WDR64: variants seen among roughly 807,000 people sequenced by gnomAD.
The protein encoded by WDR64 is WD repeat domain 64, also known as WD repeat-containing protein 64.
WDR64 carries 112 observed loss-of-function variants against 139.3 expected under a neutral mutation model. The ratio of observed to expected loss-of-function variants is 0.80; its 90% CI spans 0.69 to 0.94. WDR64 has a LOEUF of 0.94. Among genes scored for constraint, WDR64 ranks in the 40% least tolerant of loss-of-function variants. The pLI is 0.00. For missense variants in WDR64, 1,206 were observed against 1,293.1 expected (o/e 0.93, Z 1.03); for synonymous variants, 444 against 437.7 (o/e 1.01, Z -0.18).
rs11419039 is a variant in WDR64 at position 241,794,504 on chromosome 1, G to GTTTTTT, written c.2998-686_2998-681dup. Among the ~76,000 whole-genome samples the GTTTTTT allele has an allele frequency of 1.1e-3, 86 of 81,446 alleles. 3 individuals are homozygous for GTTTTTT. The highest frequency in any genetic ancestry group is 2.7e-3 in the East Asian group (7 of 2,572). The allele number at this position is 81,446 out of a possible 152,430, so 53.4% of individuals were successfully genotyped here. A position where few individuals can be genotyped will look rare whatever the true frequency, so the allele number is the denominator to read the frequency against. On this transcript the variant is annotated intron_variant, in intron 25 of 27. Transcript: ENST00000437684. ...TGCCCCACATATTTTAAGCTTTACT[G>GTTTTTT]TTTTTTTTTTTTTTTTTTTTTTGAG...
chr1:241,795,390 A>G (rs1438120335), intron 26 of WDR64, 103 bp downstream of exon 26: 2 of 1,034,422 alleles, frequency 1.9e-6, no homozygotes, highest in East Asian at 5.0e-5. Context: ...AAAATCATAC[A>G]GTCAGTTGGA....
intron 25 of WDR64, 95 bp downstream of exon 25, chr1:241,790,791 A>G (rs1574099672): frequency 1.1e-6 from 1 of 910,158 alleles, no homozygotes; most frequent in East Asian, 2.5e-5. Context: ...AATATAACAT[A>G]TTAATTTTTT....
intron 2 of WDR64, among the ~76,000 whole-genome samples, chr1:241,664,977 G>A (rs552214735): frequency 6.6e-6 from 1 of 152,180 alleles, no homozygotes; most frequent in South Asian, 2.1e-4. Flanking sequence ...CAGGAGGATT[G>A]CTTGAGCCCA....
intron 20 of WDR64, among the ~76,000 whole-genome samples, chr1:241,773,168 T>C (rs1658525624): frequency 6.6e-6 from 1 of 152,146 alleles, no homozygotes; most frequent in Admixed American, 6.5e-5. Context: ...ATTTCAAATA[T>C]GTCTCTCTTT....
intron 14 of WDR64, among the ~76,000 whole-genome samples, chr1:241,753,989 T>C (rs1197210904): frequency 6.6e-6 from 1 of 151,808 alleles, no homozygotes; most frequent in East Asian, 1.9e-4. Flanking sequence ...GAAAAGACCA[T>C]TGCACTCTAG....
At chr1:241,755,540 C>T (rs1670155606) in intron 14 of WDR64, among the ~76,000 whole-genome samples, 1 of 152,134 alleles carries the variant, frequency 6.6e-6, no homozygotes, top group African/African-American at 2.4e-5. Flanking sequence ...GTTTCTTTTG[C>T]TGTGCAGAAG....
intron 10 of WDR64, among the ~76,000 whole-genome samples, chr1:241,735,411 TG>T (rs1400829448): frequency 1.3e-5 from 2 of 152,112 alleles, no homozygotes; most frequent in African/African-American, 4.8e-5. Flanking sequence ...TTATGCTTTT[TG>T]TGCTTATTTA....
intron 9 of WDR64, 62 bp from the exon 10 acceptor site, chr1:241,723,235 G>C: frequency 6.3e-7 from 1 of 1,591,688 alleles, no homozygotes; most frequent in Admixed American, 1.7e-5. Context: ...TACAGTGAGA[G>C]ATACATTTGA....
rs1558465383 is a variant in WDR64, at chr1:241,674,751, A to T, written c.483+4A>T. Reference sequence around the variant, plus strand: ...AATAACAGTTTTTAATAACCAGGTAATTTCTTTTTCTTTTTTTAACTGAAT... The same window carrying T: ...AATAACAGTTTTTAATAACCAGGTATTTTCTTTTTCTTTTTTTAACTGAAT... On this transcript the variant is annotated splice_donor_region_variant and intron_variant, in intron 4 of 27. Coordinates refer to ENST00000437684, the MANE Select transcript of WDR64 (RefSeq NM_001367482.1). 2 of 1,491,720 alleles carry T rather than the reference A, an allele frequency of 1.3e-6. No individual in the cohort carries two copies. The highest frequency in any genetic ancestry group is 1.2e-5 in the South Asian group (1 of 81,672). The allele number at this position is 1,491,720 out of a possible 1,614,324, so 92.4% of individuals were successfully genotyped here. A position where few individuals can be genotyped will look rare whatever the true frequency, so the allele number is the denominator to read the frequency against.
rs374022436 is a variant in WDR64, at chr1:241,736,007, A to C, written c.1195-2356A>C. ...ACCTTGCTTTAGTTCCTGGTCAAAA[A>C]GTGATGTGCCCTACCCTCACTGGTC... On this transcript the variant is annotated intron_variant, in intron 10 of 27. Transcript: ENST00000437684. Among the ~76,000 whole-genome samples the C allele has an allele frequency of 3.3e-5, 5 of 152,062 alleles. No homozygotes were observed. In the East Asian group the frequency reaches 5.8e-4, roughly 18 times the overall value.
chr1:241,702,133 T>C lies in WDR64; in HGVS notation c.975-9669T>C, dbSNP rs9428514. 8.3e-3 allele frequency among the ~76,000 whole-genome samples: 1,261 copies of C among 152,356 alleles called. 18 individuals are homozygous for C. Among genetic ancestry groups the C allele is most frequent in the African/African-American group, 0.029 (1,205 of 41,586 alleles). On this transcript the variant is annotated intron_variant, in intron 8 of 27. Transcript: ENST00000437684. ...ATGTTGCCTGTTGCAAGACATAAGC[T>C]GAACCTTCAAACCCTTTGATAGCTT... is the stretch of plus-strand genomic sequence containing the variant.
At chr1:241,733,634 TATTTA>T (rs1335311313) in intron 10 of WDR64, among the ~76,000 whole-genome samples, 2 of 149,808 alleles carry the variant, frequency 1.3e-5, no homozygotes, top group Admixed American at 6.7e-5. Flanking sequence ...ATGAATATAA[TATTTA>T]ATTTATTACT....
intron 2 of WDR64, among the ~76,000 whole-genome samples, chr1:241,664,325 A>G (rs1378068193): frequency 6.6e-6 from 1 of 152,240 alleles, no homozygotes; most frequent in Non-Finnish European, 1.5e-5. Context: ...TTTCTAATGC[A>G]ATCATTTTGG....
At chr1:241,754,646 G>A (rs1670109684) in intron 14 of WDR64, among the ~76,000 whole-genome samples, 1 of 152,112 alleles carries the variant, frequency 6.6e-6, no homozygotes, top group Admixed American at 6.5e-5. Context: ...AGGTATACAC[G>A]TGCCATGGTG....
intron 8 of WDR64, among the ~76,000 whole-genome samples, chr1:241,689,535 T>C (rs1345691267): frequency 1.3e-5 from 2 of 152,178 alleles, no homozygotes; most frequent in African/African-American, 4.8e-5. Context: ...TTCTTAAAGA[T>C]GCTCTGACAA....
chr1:241,667,974 A>G (rs1416444937), intron 2 of WDR64, among the ~76,000 whole-genome samples: 1 of 152,242 alleles, frequency 6.6e-6, no homozygotes, highest in African/African-American at 2.4e-5. Context: ...CAGAAAACAA[A>G]ATGTAGCTAG....
At chr1:241,749,794 C>A in intron 14 of WDR64, 72 bp downstream of exon 14, 4 of 1,519,188 alleles carry the variant, frequency 2.6e-6, no homozygotes, top group Non-Finnish European at 3.6e-6. Flanking sequence ...AGTGGATAAT[C>A]CCCACCATGT....
chr1:241,718,516 A>T (rs1668485969), intron 9 of WDR64, among the ~76,000 whole-genome samples: 3 of 152,162 alleles, frequency 2.0e-5, no homozygotes, highest in Admixed American at 1.3e-4. Context: ...GCATAGATTT[A>T]AAAAAATTTC....
intron 9 of WDR64, among the ~76,000 whole-genome samples, chr1:241,723,081 T>C (rs1358714645): frequency 6.6e-6 from 1 of 152,216 alleles, no homozygotes; most frequent in Non-Finnish European, 1.5e-5. Flanking sequence ...CATTTGTGTA[T>C]GTAAATACAG....
Sources: gnomAD v4.1 joint callset for allele counts (sites outside exome capture counted in the v4.1 genomes callset) on GRCh38, gnomAD v4.1.1 for gene constraint, MANE v1.5 for transcripts, NCBI Gene and HGNC (gene_info 2026-07-23, HGNC 2026-07-21) for gene names.